The following PPP1R13B variants were observed in gnomAD, a reference collection of about 807,000 sequenced individuals.
The protein encoded by PPP1R13B is apoptosis-stimulating of p53 protein 1.
In PPP1R13B, 44 loss-of-function variants were observed where a neutral mutation model predicts 119.8. That is an observed-to-expected ratio of 0.37 (90% CI 0.29 to 0.47). PPP1R13B has a LOEUF of 0.47. PPP1R13B is among the 20% of genes least tolerant of loss of function. The pLI is 0.99. For missense variants in PPP1R13B, 1,227 were observed against 1,413.5 expected, an observed-to-expected ratio of 0.87 and a Z score of 2.12; for synonymous variants, 542 against 561.5, an observed-to-expected ratio of 0.97 and a Z score of 0.49.
intron 4 of PPP1R13B, chr14:103,762,669 T>A: frequency 1.9e-6 from 1 of 531,880 alleles, no homozygotes; most frequent in South Asian, 2.0e-5. Context: ...TCTGGAAGCC[T>A]GAAAAACGGG....
chr14:103,735,979 C>T (rs780458135), intron 16 of PPP1R13B, 24 bp downstream of exon 16: 1 of 1,613,180 alleles, frequency 6.2e-7, no homozygotes, highest in Non-Finnish European at 8.5e-7. Context: ...AGCTAGTTTC[C>T]CAGTAAGTAA....
In PPP1R13B at chr14:103,740,817, T is replaced by C. The variant is rs2084239119; in HGVS notation, c.1823-224A>G. Among the ~76,000 whole-genome samples the C allele has an allele frequency of 6.6e-6, 1 of 152,214 alleles. No individual in the cohort carries two copies. The highest frequency in any genetic ancestry group is 6.5e-5 in the Admixed American group (1 of 15,286). The stretch of plus-strand genomic sequence containing the variant: ...CTCTCTAATGTGTCGGTTTTTACAT[T>C]TGGGTTTCCAGAACTGGAGCTTTTT... On this transcript the variant is annotated intron_variant, in intron 11 of 16. Coordinates refer to ENST00000202556, the MANE Select transcript of PPP1R13B (RefSeq NM_015316.3). The surrounding 1 kb of genome is among the most constrained non-coding windows in gnomAD (Gnocchi z 4.6).
Position 103,782,121 on chromosome 14 carries a change from T to TC in PPP1R13B, c.277+2673dup, listed in dbSNP as rs1290965591. Among the ~76,000 whole-genome samples, 4 of 151,962 alleles carry TC rather than the reference T, an allele frequency of 2.6e-5. No individual in the cohort carries two copies. The South Asian group carries it at 6.2e-4, about 24-fold the overall frequency. On this transcript the variant is annotated intron_variant, in intron 3 of 16. Coordinates refer to ENST00000202556, the MANE Select transcript of PPP1R13B (RefSeq NM_015316.3). ...TCTGTTCTACAGCCACTTTTCCCTT[T>TC]CCCCCCAGGCCAACAACATCCCCAG...
intron 3 of PPP1R13B, among the ~76,000 whole-genome samples, chr14:103,779,217 G>A (rs1460058488): frequency 6.6e-6 from 1 of 151,840 alleles, no homozygotes; most frequent in Non-Finnish European, 1.5e-5. Context: ...TGAGTGAGAG[G>A]GGTCGAGGCT....
intron 2 of PPP1R13B, among the ~76,000 whole-genome samples, chr14:103,792,097 C>G (rs1425558846): frequency 6.6e-6 from 1 of 151,608 alleles, no homozygotes; most frequent in South Asian, 2.1e-4. Flanking sequence ...TGAACATAAC[C>G]TAATAAAAAT....
chr14:103,785,701 G>A (rs755107662), intron 2 of PPP1R13B, among the ~76,000 whole-genome samples: 10 of 151,432 alleles, frequency 6.6e-5, no homozygotes, highest in Non-Finnish European at 1.3e-4. Flanking sequence ...TAGGAGAGAC[G>A]GGGTTTTACC....
rs956482524 is a variant in PPP1R13B, at chr14:103,740,317, T to C, written c.2099A>G (p.Asn700Ser). Residue 700 changes from asparagine (N) to serine (S), a missense_variant, in exon 12 of 17, where the codon AAC becomes AGC. Coordinates refer to ENST00000202556, the MANE Select transcript of PPP1R13B (RefSeq NM_015316.3). The surrounding 1 kb of genome is among the most constrained non-coding windows in gnomAD (Gnocchi z 4.6). ...GCGCTTTTTCAGGGGCCGGGGCGCG[T>C]TGGCCAGCTTCCTGCGGAGGGCCTC... ...DLEALRRKLA[N>S]APRPLKKRSS... 1.3e-6 allele frequency: 2 copies of C among 1,574,026 alleles called. No homozygotes were observed. The highest frequency in any genetic ancestry group is 1.7e-6 in the Non-Finnish European group (2 of 1,160,136).
intron 3 of PPP1R13B, among the ~76,000 whole-genome samples, chr14:103,782,762 T>G (rs2085365442): frequency 6.6e-6 from 1 of 152,160 alleles, no homozygotes; most frequent in Admixed American, 6.6e-5. Flanking sequence ...GTATATTCCT[T>G]TTCTGTGAAC....
At chr14:103,806,520 C>A (rs2086021875) in intron 1 of PPP1R13B, among the ~76,000 whole-genome samples, 1 of 151,958 alleles carries the variant, frequency 6.6e-6, no homozygotes, top group Admixed American at 6.6e-5. Flanking sequence ...CCAGGAAGAC[C>A]CCTTTAGCTT....
chr14:103,793,722 A>G (rs2085686321), intron 2 of PPP1R13B, among the ~76,000 whole-genome samples: 1 of 152,192 alleles, frequency 6.6e-6, no homozygotes, highest in Non-Finnish European at 1.5e-5. Context: ...AGGAAACTTA[A>G]CAAAAGATAA....
chr14:103,797,516 C>A lies in PPP1R13B; in HGVS notation c.12G>T (p.Met4Ile). MMP[M>I]ILTVFLSNNE... ...TGTTGCTCAAGAAAACAGTTAATAT[C>A]ATCTGTAAGACAAAAGAGTAAAGCT... Residue 4 changes from methionine (M) to isoleucine (I), a missense_variant and splice_region_variant, in exon 2 of 17, where the codon ATG becomes ATT. Transcript: ENST00000202556. 1.2e-6 allele frequency: 2 copies of A among 1,610,048 alleles called. No homozygotes were observed. Among genetic ancestry groups the A allele is most frequent in the Non-Finnish European group, 1.7e-6 (2 of 1,177,080 alleles).
At chr14:103,761,255 C>T (rs1177615352) in intron 4 of PPP1R13B, among the ~76,000 whole-genome samples, 3 of 111,366 alleles carry the variant, frequency 2.7e-5, no homozygotes, top group African/African-American at 3.6e-5. Context: ...GCCTAGGGAA[C>T]AGAGCAAGAC....
At chr14:103,743,554 T>C (rs1425074449) in intron 9 of PPP1R13B, among the ~76,000 whole-genome samples, 2 of 152,260 alleles carry the variant, frequency 1.3e-5, no homozygotes, top group Non-Finnish European at 2.9e-5. Context: ...CACAGGCTCC[T>C]GGTTCTCTTT....
intron 5 of PPP1R13B, 75 bp downstream of exon 5, chr14:103,757,575 T>C: frequency 2.2e-6 from 3 of 1,358,378 alleles, no homozygotes; most frequent in Non-Finnish European, 3.1e-6. Flanking sequence ...CAAGAATATA[T>C]TAACCCCAGT....
chr14:103,791,393 T>A (rs528633713), intron 2 of PPP1R13B, among the ~76,000 whole-genome samples: 29 of 152,332 alleles, frequency 1.9e-4, no homozygotes, highest in African/African-American at 7.0e-4. Context: ...CAGAACTAAG[T>A]ATCTGTAGAG....
chr14:103,825,851 T>C (rs527424496), intron 1 of PPP1R13B, among the ~76,000 whole-genome samples: 80 of 149,656 alleles, frequency 5.3e-4, no homozygotes, highest in South Asian at 6.3e-4. Context: ...CTTTTCTTTT[T>C]TTTTTTTTTT....
chr14:103,787,650 AT>A (rs751638213), intron 2 of PPP1R13B, among the ~76,000 whole-genome samples: 38,044 of 113,568 alleles, frequency 0.33, 5,103 homozygotes, highest in African/African-American at 0.37. Flanking sequence ...TAATTGCTAC[AT>A]TTTTTTTTTT....
Position 103,772,788 on chromosome 14 carries a change from T to C in PPP1R13B, c.354+5957A>G, listed in dbSNP as rs2152006754. Among the ~76,000 whole-genome samples the C allele has an allele frequency of 2.0e-5, 3 of 151,940 alleles. No homozygotes were observed. The South Asian group carries it at 6.3e-4, about 32-fold the overall frequency. ...CCCAAGTTCAAGTGATTCTCCTGCC[T>C]CCCAAGTAGTTGGGATTACAGGCGT... On this transcript the variant is annotated intron_variant, in intron 4 of 16. Transcript: ENST00000202556.
intron 1 of PPP1R13B, among the ~76,000 whole-genome samples, chr14:103,801,092 T>G (rs1162928518): frequency 1.3e-5 from 2 of 152,102 alleles, no homozygotes; most frequent in Non-Finnish European, 2.9e-5. Flanking sequence ...TCAGGTGATC[T>G]ACCCACCTCG....
Sources: gnomAD v4.1 joint callset for allele counts (sites outside exome capture counted in the v4.1 genomes callset) on GRCh38, gnomAD v4.1.1 for gene constraint, Gnocchi (gnomAD v3.1) non-coding constraint, MANE v1.5 for transcripts, NCBI Gene and HGNC (gene_info 2026-07-23, HGNC 2026-07-21) for gene names.